Variants in SPAG16 observed in about 807,000 individuals in gnomAD.
SPAG16 encodes sperm associated antigen 16, also known as sperm-associated antigen 16 protein.
Under a neutral mutation model 80.4 loss-of-function variants are expected in SPAG16, and 86 were observed. The ratio of observed to expected loss-of-function variants is 1.07; its 90% confidence interval spans 0.90 to 1.28. The LOEUF (loss-of-function observed/expected upper bound fraction) is 1.28, where lower values mean the gene tolerates loss of function less well. Ranked by LOEUF, SPAG16 falls within the 50% of genes most tolerant of loss-of-function variation. The probability of loss-of-function intolerance (pLI) is 0.00; values close to 1 mark genes in which losing one functional copy is unlikely to be tolerated. For synonymous variants in SPAG16, 294 were observed against 265.9 expected, an observed-to-expected ratio of 1.11 and a Z score of -1.03; for missense variants, 870 against 765.3, an observed-to-expected ratio of 1.14 and a Z score of -1.61.
chr2:213,759,603 A>G (rs1156396531), intron 10 of SPAG16, among the ~76,000 whole-genome samples: 1 of 152,148 alleles, frequency 6.6e-6, no homozygotes, highest in Non-Finnish European at 1.5e-5. Flanking sequence ...TATAATCCCT[A>G]TGGTAACCAC....
At chr2:213,834,421 A>G (rs1250736265) in intron 10 of SPAG16, among the ~76,000 whole-genome samples, 1 of 152,188 alleles carries the variant, frequency 6.6e-6, no homozygotes, top group Non-Finnish European at 1.5e-5. Context: ...GGATTAAACA[A>G]AGAGGGTATG....
chr2:213,672,749 C>T (rs1231961047), intron 10 of SPAG16, among the ~76,000 whole-genome samples: 1 of 151,982 alleles, frequency 6.6e-6, no homozygotes, highest in East Asian at 1.9e-4. Flanking sequence ...ATTAAAGCAT[C>T]ACATTGGCCC....
chr2:213,671,374 G>C (rs1235070357), intron 10 of SPAG16, among the ~76,000 whole-genome samples: 1 of 152,100 alleles, frequency 6.6e-6, no homozygotes, highest in Non-Finnish European at 1.5e-5. Flanking sequence ...GGTATTATTT[G>C]ATTGAAAGGA....
intron 10 of SPAG16, among the ~76,000 whole-genome samples, chr2:213,839,070 T>C (rs1287005593): frequency 6.6e-6 from 1 of 152,230 alleles, no homozygotes; most frequent in Non-Finnish European, 1.5e-5. Context: ...AGTGAGATTG[T>C]AGATGATTGG....
chr2:214,140,869 AT>A (rs1277922207), intron 14 of SPAG16, among the ~76,000 whole-genome samples: 9 of 125,098 alleles, frequency 7.2e-5, no homozygotes, highest in African/African-American at 2.5e-4. Flanking sequence ...ACATAGTTGT[AT>A]TCTTTATTAT....
chr2:213,527,366 T>C (rs1188480918), intron 10 of SPAG16, among the ~76,000 whole-genome samples: 10 of 152,208 alleles, frequency 6.6e-5, no homozygotes, highest in Non-Finnish European at 1.5e-4. Flanking sequence ...TTGCAGCTTC[T>C]AAAATGTTGT....
At chr2:213,455,543 AC>A (rs2071949109) in intron 9 of SPAG16, among the ~76,000 whole-genome samples, 2 of 152,112 alleles carry the variant, frequency 1.3e-5, no homozygotes, top group Non-Finnish European at 1.5e-5. Flanking sequence ...CAGTCCCCAG[AC>A]TTTTCGGCAC....
intron 15 of SPAG16, among the ~76,000 whole-genome samples, chr2:214,328,734 A>G (rs756871881): frequency 9.2e-5 from 14 of 152,200 alleles, no homozygotes; most frequent in Non-Finnish European, 1.8e-4. Flanking sequence ...TTATCTTTTG[A>G]TGATGTTATT....
At chr2:214,283,068 G>A (rs943144889) in intron 15 of SPAG16, among the ~76,000 whole-genome samples, 1 of 151,992 alleles carries the variant, frequency 6.6e-6, no homozygotes, top group African/African-American at 2.4e-5. Flanking sequence ...ATATATGTAA[G>A]AAAAGATGCA....
chr2:214,057,338 A>G (rs962951131), intron 13 of SPAG16, among the ~76,000 whole-genome samples: 1 of 152,164 alleles, frequency 6.6e-6, no homozygotes, highest in African/African-American at 2.4e-5. Flanking sequence ...TCAGGCATCA[A>G]AACAACACTA....
intron 11 of SPAG16, among the ~76,000 whole-genome samples, chr2:213,900,706 C>A (rs1383943330): frequency 6.6e-6 from 1 of 152,158 alleles, no homozygotes; most frequent in Non-Finnish European, 1.5e-5. Flanking sequence ...TTAAAAATTT[C>A]TGAATGTAAT....
chr2:213,749,172 AC>A (rs2067970401), intron 10 of SPAG16, among the ~76,000 whole-genome samples: 1 of 152,030 alleles, frequency 6.6e-6, no homozygotes, highest in Non-Finnish European at 1.5e-5. Context: ...CAAAAACAAA[AC>A]AAAACAAAAA....
At chr2:213,375,911 C>T (rs1176407124) in intron 9 of SPAG16, among the ~76,000 whole-genome samples, 1 of 150,344 alleles carries the variant, frequency 6.7e-6, no homozygotes, top group African/African-American at 2.4e-5. Flanking sequence ...GCATTGGATT[C>T]TGGTATTGTA....
chr2:214,092,253 A>G (rs1386350990), intron 13 of SPAG16, among the ~76,000 whole-genome samples: 1 of 152,092 alleles, frequency 6.6e-6, no homozygotes, highest in Non-Finnish European at 1.5e-5. Context: ...ATCATTTTAA[A>G]TGTTAATAGA....
At chr2:213,351,119 C>G (rs2065305586) in intron 7 of SPAG16, among the ~76,000 whole-genome samples, 1 of 152,052 alleles carries the variant, frequency 6.6e-6, no homozygotes, top group South Asian at 2.1e-4. Flanking sequence ...GCACTCTAGC[C>G]TAGGCAACAG....
At chr2:213,867,652 G>C (rs978289142) in intron 11 of SPAG16, among the ~76,000 whole-genome samples, 5 of 152,112 alleles carry the variant, frequency 3.3e-5, no homozygotes, top group Admixed American at 6.6e-5. Context: ...GCCGTGTTCA[G>C]TGGCTCACGC....
intron 10 of SPAG16, among the ~76,000 whole-genome samples, chr2:213,548,202 TA>T (rs1213031705): frequency 6.6e-6 from 1 of 152,160 alleles, no homozygotes; most frequent in Non-Finnish European, 1.5e-5. Flanking sequence ...AAAAAATTGA[TA>T]GTTTATTTCC....
intron 15 of SPAG16, among the ~76,000 whole-genome samples, chr2:214,273,701 T>G (rs1310068213): frequency 6.6e-6 from 1 of 151,432 alleles, no homozygotes; most frequent in African/African-American, 2.4e-5. Context: ...TACTGTACCC[T>G]TGTAACATAG....
At chr2:213,514,160 G>T (rs1429929920) in intron 10 of SPAG16, among the ~76,000 whole-genome samples, 2 of 152,236 alleles carry the variant, frequency 1.3e-5, no homozygotes, top group Admixed American at 1.3e-4. Flanking sequence ...AAATTAGATG[G>T]TCCTTGGAAG....
Sources: allele counts gnomAD v4.1 joint callset (sites outside exome capture counted in the v4.1 genomes callset), GRCh38; gene constraint gnomAD v4.1.1; transcripts MANE v1.5; gene names NCBI Gene and HGNC (gene_info 2026-07-23, HGNC 2026-07-21).